The following ESPN variants were observed in gnomAD, a reference collection of about 807,000 sequenced individuals.
The protein encoded by ESPN is autosomal recessive deafness type 36 protein.
In ESPN, 68 loss-of-function variants were observed where a neutral mutation model predicts 77.7. The ratio of observed to expected loss-of-function variants is 0.87; its 90% CI spans 0.72 to 1.07. ESPN has a LOEUF of 1.07. ESPN is among the 50% of genes least tolerant of loss of function. ESPN has a pLI of 0.00. For synonymous variants in ESPN, 449 were observed against 567.1 expected, an observed-to-expected ratio of 0.79 and a Z score of 2.96; for missense variants, 1,060 against 1,239.0, an observed-to-expected ratio of 0.86 and a Z score of 2.17.
At chr1:6,459,934 T>C in intron 12 of ESPN, 65 bp from the exon 13 acceptor site, 1 of 1,605,532 alleles carries the variant, frequency 6.2e-7, no homozygotes, top group Non-Finnish European at 8.5e-7. Flanking sequence ...GGCCCCACCC[T>C]TTCTGCCAGC....
chr1:6,438,184 A>G (rs1643500762), intron 2 of ESPN, among the ~76,000 whole-genome samples: 1 of 152,150 alleles, frequency 6.6e-6, no homozygotes, highest in Non-Finnish European at 1.5e-5. Context: ...GGGTCTGGGG[A>G]TAGATTGTGG....
intron 1 of ESPN, among the ~76,000 whole-genome samples, chr1:6,426,566 G>A (rs1643042350): frequency 6.6e-6 from 1 of 152,166 alleles, no homozygotes; most frequent in African/African-American, 2.4e-5. Context: ...CACGCACGAG[G>A]CTCCTGGGGC....
intron 5 of ESPN, 47 bp from the exon 6 acceptor site, chr1:6,444,434 C>T: frequency 6.3e-7 from 1 of 1,594,184 alleles, no homozygotes; most frequent in South Asian, 1.1e-5. Flanking sequence ...GAGAGCAACG[C>T]ATCTTGGGGT....
intron 6 of ESPN, 74 bp from the exon 7 acceptor site, chr1:6,445,590 G>C: frequency 2.0e-6 from 3 of 1,529,952 alleles, no homozygotes; most frequent in Non-Finnish European, 8.9e-7. Context: ...GTTTCCAGGT[G>C]GTGGAGAGTC....
chr1:6,433,946 G>A (rs1474342212), intron 2 of ESPN, among the ~76,000 whole-genome samples: 1 of 151,986 alleles, frequency 6.6e-6, no homozygotes. Context: ...TCGCTCTATC[G>A]CCCAGGCTGG....
chr1:6,446,401 G>T (rs920863911), intron 7 of ESPN, among the ~76,000 whole-genome samples: 1 of 152,180 alleles, frequency 6.6e-6, no homozygotes, highest in Non-Finnish European at 1.5e-5. Context: ...GAAGGAGGGT[G>T]GGGGGAAGGT....
rs997639360 is a variant in ESPN, at chr1:6,450,061, C to A, written c.1915+970C>A. ...CACCTGCCGAACCTCCTTCTTCCCT[C>A]CACAGCCTGCAGCAGGGCTGAAGCT... On this transcript the variant is annotated intron_variant, in intron 8 of 12. Coordinates refer to ENST00000645284, the MANE Select transcript of ESPN (RefSeq NM_031475.3). The surrounding 1 kb of genome is among the most constrained non-coding windows in gnomAD (Gnocchi z 4.3). Among the ~76,000 whole-genome samples the A allele has an allele frequency of 1.3e-4, 20 of 152,182 alleles. No individual in the cohort carries two copies. Among genetic ancestry groups the A allele is most frequent in the Non-Finnish European group, 4.4e-5 (3 of 68,028 alleles).
intron 11 of ESPN, 48 bp downstream of exon 11, chr1:6,457,311 G>C (rs1404243800): frequency 1.2e-6 from 2 of 1,614,228 alleles, no homozygotes; most frequent in Non-Finnish European, 1.7e-6. Flanking sequence ...TGTCTTGACT[G>C]CGTCCCTGAG....
intron 10 of ESPN, chr1:6,456,034 C>G (rs1042647784): frequency 2.5e-6 from 1 of 396,718 alleles, no homozygotes; most frequent in Admixed American, 4.4e-5. Context: ...CCGCCCGCCG[C>G]GCCTCCCCCG....
intron 2 of ESPN, among the ~76,000 whole-genome samples, chr1:6,436,980 C>T (rs1643461627): frequency 6.6e-6 from 1 of 152,030 alleles, no homozygotes; most frequent in South Asian, 2.1e-4. Flanking sequence ...GGATGTTGAG[C>T]CAGGATCCCC....
At chr1:6,453,166 T>TAA (rs1353759708) in intron 10 of ESPN, among the ~76,000 whole-genome samples, 1 of 152,230 alleles carries the variant, frequency 6.6e-6, no homozygotes, top group Non-Finnish European at 1.5e-5. Flanking sequence ...AGTGCTGGGA[T>TAA]TACAGGCGTG....
In ESPN at chr1:6,451,454, G is replaced by A; in HGVS notation, c.1916-149G>A. 8.8e-7 allele frequency: 1 copy of A among 1,134,062 alleles called. No individual in the cohort carries two copies. Among genetic ancestry groups the A allele is most frequent in the South Asian group, 1.3e-5 (1 of 74,256 alleles). 70.2% of individuals were successfully genotyped at this position (1,134,062 alleles called of 1,614,324 possible). On this transcript the variant is annotated intron_variant, in intron 8 of 12. Transcript: ENST00000645284. This position sits in a 1 kb window ranked among gnomAD's most constrained non-coding sequence, Gnocchi z 4.3. ...CTGGGGGCCCTGAAACCTGCCTGCA[G>A]GACCTGGGATCTGGAGAGCTGCCCG... is the stretch of plus-strand genomic sequence containing the variant.
chr1:6,457,456 G>C, intron 12 of ESPN, 84 bp downstream of exon 12: 16 of 1,543,220 alleles, frequency 1.0e-5, no homozygotes, highest in Non-Finnish European at 1.4e-5. Flanking sequence ...GCCAATTTGA[G>C]TACATCCTCC....
intron 2 of ESPN, among the ~76,000 whole-genome samples, chr1:6,435,204 A>T (rs72633466): frequency 0.012 from 1,773 of 151,288 alleles, 19 homozygotes; most frequent in Middle Eastern, 0.02. Context: ...GGTGAATTTC[A>T]ATTCAAAGCA....
intron 2 of ESPN, 45 bp from the exon 3 acceptor site, chr1:6,440,209 G>T (rs570991751): frequency 5.2e-6 from 8 of 1,532,736 alleles, no homozygotes; most frequent in South Asian, 3.6e-5. Context: ...GGCCTCGGAG[G>T]GGGTGAGGCG....
In ESPN at chr1:6,428,291, G is replaced by A; in HGVS notation, c.360G>A (p.Val120=). The A allele has an allele frequency of 6.2e-7, 1 of 1,613,410 alleles. No individual in the cohort carries two copies. The highest frequency in any genetic ancestry group is 8.5e-7 in the Non-Finnish European group (1 of 1,180,004). Reference sequence around the variant, plus strand: ...CCCGCTTCGGCCACCCCGAGGTGGTGAACTGGCTCTTGCATCATGGCGGTG... The same window carrying A: ...CCCGCTTCGGCCACCCCGAGGTGGTAAACTGGCTCTTGCATCATGGCGGTG... ...LAARFGHPEV[V]NWLLHHGGGD... Residue 120 remains valine (V), a synonymous_variant, in exon 2 of 13, where the codon GTG becomes GTA. Coordinates refer to ENST00000645284, the MANE Select transcript of ESPN (RefSeq NM_031475.3). This position sits in a 1 kb window ranked among gnomAD's most constrained non-coding sequence, Gnocchi z 5.4.
rs1309216283 is a variant in ESPN at position 6,450,911 on chromosome 1, A to T, written c.1916-692A>T. Among the ~76,000 whole-genome samples, 3 of 151,352 alleles carry T rather than the reference A, an allele frequency of 2.0e-5. No individual in the cohort carries two copies. Among genetic ancestry groups the T allele is most frequent in the Admixed American group, 6.6e-5 (1 of 15,208 alleles). ...CCTCTGGCTAAGCTGGAAAATGCAC[A>T]CTCTGCCCTGGGTGTTTCCATATTA... On this transcript the variant is annotated intron_variant, in intron 8 of 12. Coordinates refer to ENST00000645284, the MANE Select transcript of ESPN (RefSeq NM_031475.3). The surrounding 1 kb of genome is among the most constrained non-coding windows in gnomAD (Gnocchi z 4.3).
chr1:6,438,519 G>A (rs531099244), intron 2 of ESPN, among the ~76,000 whole-genome samples: 7 of 152,374 alleles, frequency 4.6e-5, no homozygotes, highest in African/African-American at 1.2e-4. Context: ...AGTGACAGCC[G>A]AAAGCTAGGC....
Position 6,425,245 on chromosome 1 carries a change from T to A in ESPN, c.290T>A (p.Val97Glu), listed in dbSNP as rs199562318. 2,657 of 1,566,912 alleles carry A rather than the reference T, an allele frequency of 1.7e-3. 10 individuals carry two copies. Among genetic ancestry groups the A allele is most frequent in the Middle Eastern group, 0.01 (49 of 4,744 alleles). ...QWLLSQGGCR[V>E]QDKDNSGATV... ...CTGCTGTCGCAGGGCGGCTGCAGAG[T>A]GCAGGTGGGTCCGCGCGGTTCGCCA... Residue 97 changes from valine (V) to glutamate (E), a missense_variant, in exon 1 of 13, where the codon GTG (valine) becomes GAG (glutamate). Transcript: ENST00000645284.
Sources: gnomAD v4.1 joint callset for allele counts (sites outside exome capture counted in the v4.1 genomes callset) on GRCh38, gnomAD v4.1.1 for gene constraint, Gnocchi (gnomAD v3.1) non-coding constraint, MANE v1.5 for transcripts, NCBI Gene and HGNC (gene_info 2026-07-23, HGNC 2026-07-21) for gene names.